DCC: variants seen among roughly 807,000 people sequenced by gnomAD.
The protein encoded by DCC is netrin receptor DCC.
Under a neutral mutation model 172.5 loss-of-function variants are expected in DCC, and 58 were observed. The ratio of observed to expected loss-of-function variants is 0.34; its 90% confidence interval spans 0.27 to 0.42. The LOEUF (loss-of-function observed/expected upper bound fraction) is 0.42, where lower values mean the gene tolerates loss of function less well. Among genes scored for constraint, DCC ranks in the 10% least tolerant of loss-of-function variants. DCC has a pLI of 1.00. For synonymous variants in DCC, 709 were observed against 644.5 expected (o/e 1.10, Z -1.52); for missense variants, 1,740 against 1,791.0 (o/e 0.97, Z 0.51).
At chr18:53,226,948 A>ATATTTTTTTTTTTT in intron 12 of DCC, among the ~76,000 whole-genome samples, 40 of 52,946 alleles carry the variant, frequency 7.6e-4, no homozygotes, top group African/African-American at 2.6e-3. Context: ...ATATATATAT[A>ATATTTTTTTTTTTT]TTTTTTTTTT....
intron 1 of DCC, among the ~76,000 whole-genome samples, chr18:52,712,072 T>A (rs1241777456): frequency 6.6e-6 from 1 of 152,110 alleles, no homozygotes; most frequent in Non-Finnish European, 1.5e-5. Flanking sequence ...GCAATTTTCC[T>A]GCCTCAGCCT....
chr18:53,220,009 T>C (rs2055907519), intron 12 of DCC, among the ~76,000 whole-genome samples: 1 of 152,120 alleles, frequency 6.6e-6, no homozygotes, highest in Non-Finnish European at 1.5e-5. Context: ...GAAGTCTCTA[T>C]ACCCTGTCAT....
At chr18:52,927,076 T>TAC (rs1491397342) in intron 5 of DCC, among the ~76,000 whole-genome samples, 6 of 66,534 alleles carry the variant, frequency 9.0e-5, no homozygotes, top group Non-Finnish European at 1.4e-4. Context: ...CACACATATA[T>TAC]GTGTATATAC....
At chr18:52,791,725 C>T (rs750969825) in intron 2 of DCC, among the ~76,000 whole-genome samples, 5 of 152,048 alleles carry the variant, frequency 3.3e-5, no homozygotes, top group Non-Finnish European at 5.9e-5. Flanking sequence ...TTGCACTTTC[C>T]TCCTTGATGG....
At chr18:53,204,906 C>CT (rs955130609) in intron 9 of DCC, among the ~76,000 whole-genome samples, 7 of 152,134 alleles carry the variant, frequency 4.6e-5, no homozygotes, top group Admixed American at 1.3e-4. Flanking sequence ...ATTTTTCAGA[C>CT]TAAGAATTTA....
intron 1 of DCC, among the ~76,000 whole-genome samples, chr18:52,411,892 T>C (rs774128451): frequency 4.3e-4 from 66 of 152,296 alleles, no homozygotes; most frequent in Admixed American, 1.2e-3. Flanking sequence ...TCATCACTTA[T>C]GCTGTGTCCG....
rs374156655 is a variant in DCC at position 52,517,319 on chromosome 18, A to T, written c.91+176441A>T. 1.1e-4 allele frequency among the ~76,000 whole-genome samples: 17 copies of T among 152,350 alleles called. No individual in the cohort carries two copies. In the East Asian group the frequency reaches 1.7e-3, roughly 16 times the overall value. On this transcript the variant is annotated intron_variant, in intron 1 of 28. Transcript: ENST00000442544. ...GGTATTTGCCAGTTCAGAGACCACT[A>T]GTTTAAAGAATAAAGCCATGTGTGG...
intron 12 of DCC, among the ~76,000 whole-genome samples, chr18:53,260,985 C>T (rs928993596): frequency 6.6e-6 from 1 of 152,124 alleles, no homozygotes; most frequent in Non-Finnish European, 1.5e-5. Flanking sequence ...GTTCCGTGGG[C>T]CTTGGACCCT....
rs144626774 is a variant in DCC at position 53,410,409 on chromosome 18, C to T, written c.2936-43C>T. On this transcript the variant is annotated intron_variant, in intron 19 of 28. Coordinates refer to ENST00000442544, the MANE Select transcript of DCC (RefSeq NM_005215.4). ...TGGGTGTTTGGAAGCAGAACTGCAG[C>T]GTGTAGGACACCAAATTAAGTCACA... is the stretch of plus-strand genomic sequence containing the variant. 3.4e-4 allele frequency: 413 copies of T among 1,216,052 alleles called. 3 individuals are homozygous for T. In the African/African-American group the frequency reaches 5.5e-3, roughly 16 times the overall value. 75.3% of individuals were successfully genotyped at this position (1,216,052 alleles called of 1,614,324 possible). A position where few individuals can be genotyped will look rare whatever the true frequency, so the allele number is the denominator to read the frequency against.
At chr18:52,491,114 A>C (rs566255141) in intron 1 of DCC, among the ~76,000 whole-genome samples, 2 of 152,054 alleles carry the variant, frequency 1.3e-5, no homozygotes, top group South Asian at 4.2e-4. Context: ...TCAGACCTAG[A>C]ATGTTCTTTT....
chr18:53,164,928 A>G (rs2054893469), intron 8 of DCC, among the ~76,000 whole-genome samples: 1 of 152,190 alleles, frequency 6.6e-6, no homozygotes, highest in Non-Finnish European at 1.5e-5. Context: ...AAATATTGCT[A>G]AGAAACCACA....
intron 2 of DCC, among the ~76,000 whole-genome samples, chr18:52,846,943 G>A (rs1347718846): frequency 6.6e-6 from 1 of 152,074 alleles, no homozygotes; most frequent in Non-Finnish European, 1.5e-5. Context: ...CATGGATTCA[G>A]ACTCACTGTG....
At position 53,167,602 on chromosome 18, in the gene DCC, C is replaced by G. The variant is rs568615087; in HGVS notation, c.1418+10090C>G. On this transcript the variant is annotated intron_variant, in intron 8 of 28. Transcript: ENST00000442544. ...TCTTTTAATTTCACATTTATTTATG[C>G]ATTTATTTAAAAAATTATGAGCCCC... Among the ~76,000 whole-genome samples, 9 of 152,186 alleles carry G rather than the reference C, an allele frequency of 5.9e-5. No individual in the cohort carries two copies. The East Asian group carries it at 1.2e-3, about 20-fold the overall frequency.
At position 52,896,065 on chromosome 18, in the gene DCC, G is replaced by T. The variant is rs146499324; in HGVS notation, c.413-9979G>T. Among the ~76,000 whole-genome samples, 185 of 152,258 alleles carry T rather than the reference G, an allele frequency of 1.2e-3. 1 individual carries two copies. Among genetic ancestry groups the T allele is most frequent in the African/African-American group, 4.2e-3 (175 of 41,554 alleles). On this transcript the variant is annotated intron_variant, in intron 2 of 28. Coordinates refer to ENST00000442544, the MANE Select transcript of DCC (RefSeq NM_005215.4). Reference sequence around the variant, plus strand: ...CTCCCAAAGTGCTAGGATTACAGGTGTGAGCCACTGCACCCAGCCGTGGTT... The same window carrying T: ...CTCCCAAAGTGCTAGGATTACAGGTTTGAGCCACTGCACCCAGCCGTGGTT...
chr18:53,057,013 C>A (rs2042414869), intron 5 of DCC, among the ~76,000 whole-genome samples: 1 of 145,996 alleles, frequency 6.8e-6, no homozygotes, highest in South Asian at 2.1e-4. Flanking sequence ...TTAAAATTGA[C>A]CCATATTTAT....
At chr18:53,224,958 G>A (rs1021956148) in intron 12 of DCC, among the ~76,000 whole-genome samples, 5 of 152,146 alleles carry the variant, frequency 3.3e-5, no homozygotes, top group Admixed American at 3.3e-4. Context: ...CACTTAGGGA[G>A]AGACTACAGT....
intron 1 of DCC, among the ~76,000 whole-genome samples, chr18:52,539,625 G>C (rs183157568): frequency 3.3e-5 from 5 of 152,070 alleles, no homozygotes; most frequent in Non-Finnish European, 7.4e-5. Flanking sequence ...CCATGCCCCC[G>C]GCCCATCCCA....
At chr18:53,101,121 A>G (rs2043166673) in intron 7 of DCC, among the ~76,000 whole-genome samples, 1 of 152,086 alleles carries the variant, frequency 6.6e-6, no homozygotes, top group South Asian at 2.1e-4. Flanking sequence ...AACAAATCGA[A>G]TAGGAAATAA....
intron 15 of DCC, among the ~76,000 whole-genome samples, chr18:53,380,272 C>T (rs12607674): frequency 0.46 from 69,290 of 151,576 alleles, 16,734 homozygotes; most frequent in Non-Finnish European, 0.54. Flanking sequence ...TCTCCAGTGG[C>T]ACAGTGGTAA....
Sources: allele counts gnomAD v4.1 joint callset (sites outside exome capture counted in the v4.1 genomes callset), GRCh38; gene constraint gnomAD v4.1.1; transcripts MANE v1.5; gene names NCBI Gene and HGNC (gene_info 2026-07-23, HGNC 2026-07-21).